CHSY3: variants seen among roughly 807,000 people sequenced by gnomAD.
CHSY3 encodes chondroitin sulfate synthase 3.
A neutral mutation model predicts 67.2 loss-of-function variants in CHSY3; 35 were observed. That is an observed-to-expected ratio of 0.52 (90% CI 0.40 to 0.69). CHSY3 has a LOEUF of 0.69. Among genes scored for constraint, CHSY3 ranks in the 30% least tolerant of loss-of-function variants. CHSY3 has a pLI of 0.00. For synonymous variants in CHSY3, 474 were observed against 434.7 expected (o/e 1.09, Z -1.12); for missense variants, 1,069 against 1,138.5 (o/e 0.94, Z 0.88).
chr5:130,034,399 T>A (rs1764787654), intron 2 of CHSY3, among the ~76,000 whole-genome samples: 1 of 152,168 alleles, frequency 6.6e-6, no homozygotes. Flanking sequence ...TTAAAAAGAA[T>A]GGTTCATTTC....
chr5:129,940,131 A>G (rs1761652694), intron 2 of CHSY3, among the ~76,000 whole-genome samples: 1 of 152,172 alleles, frequency 6.6e-6, no homozygotes, highest in Non-Finnish European at 1.5e-5. Flanking sequence ...ATGAGGACAC[A>G]TATTCTCATT....
At chr5:129,982,535 A>G (rs563312582) in intron 2 of CHSY3, among the ~76,000 whole-genome samples, 3 of 152,208 alleles carry the variant, frequency 2.0e-5, no homozygotes, top group Non-Finnish European at 4.4e-5. Context: ...TTAGTTCAGC[A>G]TATAATTTTC....
intron 2 of CHSY3, among the ~76,000 whole-genome samples, chr5:130,138,468 C>T (rs1768745336): frequency 6.6e-6 from 1 of 152,114 alleles, no homozygotes; most frequent in African/African-American, 2.4e-5. Flanking sequence ...CAGAGGCCAG[C>T]CAGCTAGGTG....
intron 2 of CHSY3, among the ~76,000 whole-genome samples, chr5:129,950,657 A>G (rs1390869806): frequency 6.6e-6 from 1 of 152,198 alleles, no homozygotes; most frequent in African/African-American, 2.4e-5. Context: ...AATTAAGAAA[A>G]TAATTCCATT....
chr5:130,142,799 G>T (rs1288190621), intron 2 of CHSY3, among the ~76,000 whole-genome samples: 1 of 152,156 alleles, frequency 6.6e-6, no homozygotes, highest in Non-Finnish European at 1.5e-5. Flanking sequence ...TTTAGTGAGT[G>T]TTCAGTGGGA....
chr5:130,035,976 A>G lies in CHSY3; in HGVS notation c.1086+127616A>G, dbSNP rs144958234. ...TGAGGTATGATCATCAAACTCCTGTATTAAAAAGATGTACATTCTAAAAAT... is the reference window on the plus strand; with the variant it reads ...TGAGGTATGATCATCAAACTCCTGTGTTAAAAAGATGTACATTCTAAAAAT... On this transcript the variant is annotated intron_variant, in intron 2 of 2. Transcript: ENST00000305031. 2.4e-3 allele frequency among the ~76,000 whole-genome samples: 334 copies of G among 138,972 alleles called. 2 individuals are homozygous for G. The highest frequency in any genetic ancestry group is 8.6e-3 in the African/African-American group (315 of 36,452). The allele number at this position is 138,972 out of a possible 152,430, so 91.2% of individuals were successfully genotyped here. A position where few individuals can be genotyped will look rare whatever the true frequency, so the allele number is the denominator to read the frequency against.
intron 2 of CHSY3, among the ~76,000 whole-genome samples, chr5:129,985,602 T>A (rs1359897413): frequency 6.6e-6 from 1 of 152,218 alleles, no homozygotes; most frequent in Non-Finnish European, 1.5e-5. Flanking sequence ...ATTGAATCTG[T>A]AAATTCCTTT....
chr5:130,109,995 T>C (rs547594375), intron 2 of CHSY3, among the ~76,000 whole-genome samples: 2 of 151,860 alleles, frequency 1.3e-5, no homozygotes, highest in Non-Finnish European at 2.9e-5. Context: ...AACTATGGCT[T>C]ATAATTAATT....
intron 2 of CHSY3, among the ~76,000 whole-genome samples, chr5:130,118,445 TACACACACAC>T (rs1038901899): frequency 6.6e-6 from 1 of 151,022 alleles, no homozygotes; most frequent in African/African-American, 2.4e-5. Flanking sequence ...TGTCTATATA[TACACACACAC>T]ACACATATAC....
Position 129,908,817 on chromosome 5 carries a change from T to C in CHSY3, c.1086+457T>C, listed in dbSNP as rs144905531. Among the ~76,000 whole-genome samples the C allele has an allele frequency of 4.6e-5, 7 of 152,270 alleles. No individual in the cohort carries two copies. In the East Asian group the frequency reaches 1.2e-3, roughly 25 times the overall value. On this transcript the variant is annotated intron_variant, in intron 2 of 2. Transcript: ENST00000305031. ...TAAATGGTTAAAATCTGAAGTTTCT[T>C]TGGATATTTTCCAGTGGAAATTTAA...
intron 2 of CHSY3, among the ~76,000 whole-genome samples, chr5:129,931,538 T>C (rs1761308867): frequency 6.6e-6 from 1 of 152,172 alleles, no homozygotes; most frequent in Non-Finnish European, 1.5e-5. Flanking sequence ...AATAATGTAT[T>C]TTACTAAAGA....
At chr5:130,137,531 G>A (rs1406395574) in intron 2 of CHSY3, among the ~76,000 whole-genome samples, 1 of 152,114 alleles carries the variant, frequency 6.6e-6, no homozygotes, top group African/African-American at 2.4e-5. Context: ...GAATTTAATT[G>A]AGGGTATGTC....
intron 2 of CHSY3, among the ~76,000 whole-genome samples, chr5:130,055,375 C>T (rs913751802): frequency 2.7e-5 from 4 of 150,832 alleles, no homozygotes; most frequent in African/African-American, 7.3e-5. Flanking sequence ...GTTTATGATA[C>T]GTGGCTACAA....
intron 2 of CHSY3, among the ~76,000 whole-genome samples, chr5:129,929,301 T>G (rs1019613673): frequency 6.6e-6 from 1 of 152,256 alleles, no homozygotes. Flanking sequence ...GTCCTTAGCA[T>G]GTTTACAGGA....
chr5:130,105,942 C>A (rs958808867), intron 2 of CHSY3, among the ~76,000 whole-genome samples: 1 of 151,546 alleles, frequency 6.6e-6, no homozygotes, highest in Admixed American at 6.6e-5. Context: ...AGTATTCCCC[C>A]AGAGAACTAG....
At position 129,905,565 on chromosome 5, in the gene CHSY3, A is replaced by G; in HGVS notation, c.736A>G (p.Met246Val). The G allele has an allele frequency of 6.2e-7, 1 of 1,613,774 alleles. No homozygotes were observed. The highest frequency in any genetic ancestry group is 8.5e-7 in the Non-Finnish European group (1 of 1,180,004). Reference protein sequence around the residue: ...QKKSFMMIKYMHDHYLDKYEW... With the variant: ...QKKSFMMIKYVHDHYLDKYEW... ...AAAGTCCTTCATGATGATCAAGTACATGCACGACCACTACCTGGACAAGTA... is the reference window on the plus strand; with the variant it reads ...AAAGTCCTTCATGATGATCAAGTACGTGCACGACCACTACCTGGACAAGTA... The change falls in exon 1 of 3, where the codon ATG becomes GTG. Residue 246 changes from methionine to valine, a missense_variant. Met to Val is a conservative substitution (Grantham distance 21). Coordinates refer to ENST00000305031, the MANE Select transcript of CHSY3 (RefSeq NM_175856.5).
chr5:130,148,749 GT>G (rs1244934035), intron 2 of CHSY3, among the ~76,000 whole-genome samples: 5 of 151,920 alleles, frequency 3.3e-5, no homozygotes, highest in African/African-American at 1.2e-4. Context: ...GGGGTTTTTT[GT>G]TTTTTTATTG....
intron 2 of CHSY3, among the ~76,000 whole-genome samples, chr5:130,132,067 T>C (rs1004230952): frequency 2.0e-5 from 3 of 152,174 alleles, no homozygotes; most frequent in African/African-American, 7.2e-5. Flanking sequence ...TCAATTAATT[T>C]CCTTCCTACC....
At chr5:129,994,490 C>T (rs574672795) in intron 2 of CHSY3, among the ~76,000 whole-genome samples, 2 of 152,110 alleles carry the variant, frequency 1.3e-5, no homozygotes, top group Non-Finnish European at 2.9e-5. Context: ...ACCCTTTCTT[C>T]CAGTTGATCG....
Sources: allele counts gnomAD v4.1 joint callset (sites outside exome capture counted in the v4.1 genomes callset), GRCh38; gene constraint gnomAD v4.1.1; transcripts MANE v1.5; gene names NCBI Gene and HGNC (gene_info 2026-07-23, HGNC 2026-07-21).